CBR4: variants seen among roughly 807,000 people sequenced by gnomAD.
CBR4 encodes the protein carbonyl reductase 4.
In CBR4, 22 loss-of-function variants were observed where a neutral mutation model predicts 21.0. The observed-to-expected ratio is 1.05, with a 90% CI of 0.75 to 1.50. The LOEUF (loss-of-function observed/expected upper bound fraction) is 1.50. Ranked by LOEUF, CBR4 falls within the 40% of genes most tolerant of loss-of-function variation. The probability of loss-of-function intolerance (pLI) is 0.00; values close to 1 mark genes in which losing one functional copy is unlikely to be tolerated. For missense variants in CBR4, 302 were observed against 286.3 expected (o/e 1.05, Z -0.40); for synonymous variants, 100 against 104.4 (o/e 0.96, Z 0.26).
In CBR4 at chr4:169,010,242, A is replaced by G; in HGVS notation, c.-153T>C. 1 of 684,418 alleles carries G rather than the reference A, an allele frequency of 1.5e-6. No homozygotes were observed. Among genetic ancestry groups the G allele is most frequent in the South Asian group, 2.1e-5 (1 of 48,206 alleles). 42.4% of individuals were successfully genotyped at this position (684,418 alleles called of 1,614,324 possible). A position where few individuals can be genotyped will look rare whatever the true frequency, so the allele number is the denominator to read the frequency against. ...AATAACGCCGCTCGACACCTCCTGCAGCCGCACAATAGTAATGCAAGACGC... is the reference window on the plus strand; with the variant it reads ...AATAACGCCGCTCGACACCTCCTGCGGCCGCACAATAGTAATGCAAGACGC... On this transcript the variant is annotated 5_prime_UTR_variant, in exon 1 of 5. Coordinates refer to ENST00000306193, the MANE Select transcript of CBR4 (RefSeq NM_032783.5).
chr4:168,990,010 T>G lies in CBR4; in HGVS notation c.*140A>C, dbSNP rs575639005. The G allele has an allele frequency of 7.8e-7, 1 of 1,282,042 alleles. No individual in the cohort carries two copies. The highest frequency in any genetic ancestry group is 3.0e-5 in the South Asian group (1 of 32,788). 79.4% of individuals were successfully genotyped at this position (1,282,042 alleles called of 1,614,324 possible). A position where few individuals can be genotyped will look rare whatever the true frequency, so the allele number is the denominator to read the frequency against. ...TCACACATTGTTCTTTTGAGACATA[T>G]TTTTATAAAGACAGAAATTAACATT... is the stretch of plus-strand genomic sequence containing the variant. On this transcript the variant is annotated 3_prime_UTR_variant, in exon 5 of 5. Coordinates refer to ENST00000306193, the MANE Select transcript of CBR4 (RefSeq NM_032783.5).
chr4:168,919,000 A>G (rs4596208), intron 2 of CBR4, among the ~76,000 whole-genome samples: 150,351 of 152,226 alleles, frequency 0.99, 74,254 homozygotes, highest in East Asian at 1. Context: ...TAAAATCTGG[A>G]ATTTATTTTT....
At chr4:168,899,713 T>TGCC (rs1282444018) in intron 2 of CBR4, among the ~76,000 whole-genome samples, 1 of 152,096 alleles carries the variant, frequency 6.6e-6, no homozygotes, top group African/African-American at 2.4e-5. Flanking sequence ...GCTCAGGAGT[T>TGCC]CGAGACCAGC....
At chr4:168,906,161 T>C (rs1407114787) in intron 2 of CBR4, among the ~76,000 whole-genome samples, 1 of 152,132 alleles carries the variant, frequency 6.6e-6, no homozygotes, top group African/African-American at 2.4e-5. Flanking sequence ...AAGGCTGGGG[T>C]ATATTATGGG....
At chr4:168,961,217 T>C (rs1378173598) in intron 2 of CBR4, among the ~76,000 whole-genome samples, 1 of 152,168 alleles carries the variant, frequency 6.6e-6, no homozygotes, top group Non-Finnish European at 1.5e-5. Flanking sequence ...CAGTTGCAGA[T>C]TCAGATTTAA....
intron 2 of CBR4, among the ~76,000 whole-genome samples, chr4:168,907,041 C>T (rs1376227784): frequency 6.6e-6 from 1 of 152,132 alleles, no homozygotes; most frequent in Admixed American, 6.5e-5. Context: ...GGAATTCTAG[C>T]TCTGCCACTC....
chr4:168,940,139 A>G (rs1763222624), intron 2 of CBR4, among the ~76,000 whole-genome samples: 1 of 152,210 alleles, frequency 6.6e-6, no homozygotes, highest in South Asian at 2.1e-4. Context: ...AACACCACAT[A>G]TCTATAACCA....
chr4:168,974,362 T>C (rs1057077680), intron 2 of CBR4, among the ~76,000 whole-genome samples: 1 of 152,220 alleles, frequency 6.6e-6, no homozygotes, highest in East Asian at 1.9e-4. Flanking sequence ...ATCTTGACTT[T>C]TGATAACCTG....
chr4:168,984,587 C>G (rs1396082070), downstream of CBR4, among the ~76,000 whole-genome samples: 2 of 151,942 alleles, frequency 1.3e-5, no homozygotes, highest in Non-Finnish European at 2.9e-5. Context: ...AAAAAAGAGC[C>G]AAAGAGTCAT....
At chr4:168,973,307 G>T (rs1663093290) in intron 2 of CBR4, among the ~76,000 whole-genome samples, 3 of 152,080 alleles carry the variant, frequency 2.0e-5, no homozygotes, top group African/African-American at 7.2e-5. Flanking sequence ...ATTTAGGGAG[G>T]ATTCTCTCTT....
intron 2 of CBR4, among the ~76,000 whole-genome samples, chr4:168,953,070 C>G (rs944540998): frequency 1.3e-5 from 2 of 152,168 alleles, no homozygotes; most frequent in Non-Finnish European, 2.9e-5. Context: ...AGCTCAGACT[C>G]TCCTTGGGCA....
rs199713249 is a variant in CBR4 at position 168,929,077 on chromosome 4, TACAC to T, written n.170-34316_170-34313del. On this transcript the variant is annotated intron_variant and non_coding_transcript_variant, in intron 2 of 3. Coordinates refer to the CBR4 transcript ENST00000509108. ...AATGTACTGTAGGTATGCATGTAAATACACACCAGTGCCATGACGTACAAGGATA... is the reference window on the plus strand; with the variant it reads ...AATGTACTGTAGGTATGCATGTAAATACCAGTGCCATGACGTACAAGGATA... Among the ~76,000 whole-genome samples the T allele has an allele frequency of 4.9e-3, 741 of 152,138 alleles. 5 individuals carry two copies. Among genetic ancestry groups the T allele is most frequent in the Admixed American group, 5.5e-3 (84 of 15,286 alleles).
At chr4:168,931,532 C>T (rs1460981344) in intron 2 of CBR4, among the ~76,000 whole-genome samples, 1 of 152,016 alleles carries the variant, frequency 6.6e-6, no homozygotes, top group Non-Finnish European at 1.5e-5. Flanking sequence ...GGTCAACCCC[C>T]ATGGACACAC....
chr4:168,926,925 A>G, intron 2 of CBR4: 1 of 220,010 alleles, frequency 4.5e-6, no homozygotes, highest in Non-Finnish European at 9.1e-6. Context: ...ATATTAAATC[A>G]TAAGGAAGGA....
intron 4 of CBR4, among the ~76,000 whole-genome samples, chr4:168,995,350 A>T (rs552911018): frequency 7.7e-4 from 118 of 152,274 alleles, no homozygotes; most frequent in Non-Finnish European, 1.4e-3. Context: ...AGGCCACAAA[A>T]GTTGTGAGTG....
At chr4:168,973,734 G>A (rs554206455) in intron 2 of CBR4, among the ~76,000 whole-genome samples, 18 of 152,230 alleles carry the variant, frequency 1.2e-4, no homozygotes, top group South Asian at 2.1e-4. Context: ...ACTTGTTATC[G>A]GTCTGTTCAG....
chr4:168,957,718 C>T (rs1763727206), intron 2 of CBR4, among the ~76,000 whole-genome samples: 1 of 152,156 alleles, frequency 6.6e-6, no homozygotes, highest in East Asian at 1.9e-4. Flanking sequence ...TGGAATCACG[C>T]AATATGAATT....
chr4:168,948,276 G>A (rs1279208051), intron 2 of CBR4, among the ~76,000 whole-genome samples: 2 of 152,134 alleles, frequency 1.3e-5, no homozygotes, highest in Admixed American at 6.5e-5. Context: ...TTAGTCCTTT[G>A]TCAGATGTAT....
intron 2 of CBR4, chr4:168,904,202 A>G (rs1052665646): frequency 8.5e-6 from 3 of 352,520 alleles, no homozygotes; most frequent in Admixed American, 7.7e-5. Flanking sequence ...ACAAAGTCCT[A>G]TGGTAAAAAA....
Sources: allele counts gnomAD v4.1 joint callset (sites outside exome capture counted in the v4.1 genomes callset), GRCh38; gene constraint gnomAD v4.1.1; transcripts MANE v1.5; gene names NCBI Gene and HGNC (gene_info 2026-07-23, HGNC 2026-07-21).